The following GDA variants were observed in gnomAD, a reference collection of about 807,000 sequenced individuals.
The protein encoded by GDA is cytoplasmic PSD-95 interactor.
GDA carries 18 observed loss-of-function variants against 59.6 expected under a neutral mutation model. The observed-to-expected ratio is 0.30, with a 90% CI of 0.21 to 0.45. The LOEUF (loss-of-function observed/expected upper bound fraction) is 0.45, where lower values mean the gene tolerates loss of function less well. Ranked by LOEUF, GDA falls within the 20% of genes least tolerant of loss-of-function variation. GDA has a pLI of 1.00. For synonymous variants in GDA, 201 were observed against 201.1 expected, an observed-to-expected ratio of 1.00 and a Z score of 0.00; for missense variants, 427 against 552.3, an observed-to-expected ratio of 0.77 and a Z score of 2.27.
intron 1 of GDA, among the ~76,000 whole-genome samples, chr9:72,116,199 A>G (rs996250168): frequency 6.6e-6 from 1 of 151,198 alleles, no homozygotes; most frequent in Non-Finnish European, 1.5e-5. Context: ...ATGCCATTGC[A>G]CTCCAGCCTG....
chr9:72,151,528 T>C (rs1827194630), intron 1 of GDA, among the ~76,000 whole-genome samples: 1 of 152,158 alleles, frequency 6.6e-6, no homozygotes, highest in Non-Finnish European at 1.5e-5. Context: ...CATTTCAAGG[T>C]TCAAAAAAGA....
At chr9:72,136,115 A>G (rs959777451) in intron 1 of GDA, among the ~76,000 whole-genome samples, 4 of 152,210 alleles carry the variant, frequency 2.6e-5, no homozygotes, top group South Asian at 2.1e-4. Context: ...TACCAAATCT[A>G]TAAAAGGCCA....
At chr9:72,149,273 A>G (rs1826839772), upstream of GDA, 9 of 447,308 alleles carry the variant, frequency 2.0e-5, no homozygotes, top group South Asian at 2.1e-4. Context: ...GATAACTCAA[A>G]GAGTTAACAC....
chr9:72,212,482 A>C (rs752972886), intron 4 of GDA, among the ~76,000 whole-genome samples: 1 of 144,650 alleles, frequency 6.9e-6, no homozygotes, highest in East Asian at 2.0e-4. Context: ...ACGCCACCTT[A>C]AAAAAAAAAA....
At chr9:72,186,299 G>C (rs1282213761) in intron 1 of GDA, among the ~76,000 whole-genome samples, 3 of 152,086 alleles carry the variant, frequency 2.0e-5, no homozygotes, top group Non-Finnish European at 2.9e-5. Flanking sequence ...CTTTCTTGTA[G>C]TCCTTGTACT....
chr9:72,195,440 A>G, intron 1 of GDA, 60 bp from the exon 2 acceptor site: 1 of 658,212 alleles, frequency 1.5e-6, no homozygotes, highest in South Asian at 2.2e-5. Flanking sequence ...ATTTAATAAA[A>G]AACAAATGAC....
At chr9:72,204,518 G>A (rs1834424385) in intron 3 of GDA, among the ~76,000 whole-genome samples, 1 of 152,126 alleles carries the variant, frequency 6.6e-6, no homozygotes, top group Non-Finnish European at 1.5e-5. Context: ...GACCCAAAGA[G>A]GGAAATCAGT....
chr9:72,166,477 GA>G (rs1829326894), intron 1 of GDA, among the ~76,000 whole-genome samples: 1 of 152,064 alleles, frequency 6.6e-6, no homozygotes, highest in African/African-American at 2.4e-5. Flanking sequence ...CAGCTAGATA[GA>G]AGTTATCAAC....
At chr9:72,204,392 G>C (rs1364972517) in intron 3 of GDA, among the ~76,000 whole-genome samples, 1 of 151,664 alleles carries the variant, frequency 6.6e-6, no homozygotes, top group Non-Finnish European at 1.5e-5. Context: ...TGATATCAAG[G>C]CAAAGAAAAA....
chr9:72,166,176 T>C (rs1335712089), intron 1 of GDA, among the ~76,000 whole-genome samples: 1 of 152,230 alleles, frequency 6.6e-6, no homozygotes, highest in Admixed American at 6.5e-5. Context: ...ATGCTAGATT[T>C]ATTTCAGTTG....
At chr9:72,207,045 T>A (rs567223743) in intron 3 of GDA, among the ~76,000 whole-genome samples, 157 of 152,306 alleles carry the variant, frequency 1.0e-3, no homozygotes, top group African/African-American at 2.9e-3. Context: ...TGATTCTCAT[T>A]TCTTTCTAGT....
chr9:72,236,694 G>A (rs1839031140), intron 10 of GDA, among the ~76,000 whole-genome samples: 2 of 151,586 alleles, frequency 1.3e-5, no homozygotes, highest in African/African-American at 4.9e-5. Context: ...TATCATCAGT[G>A]TCTCCTTCCT....
intron 1 of GDA, among the ~76,000 whole-genome samples, chr9:72,115,556 G>A (rs1587281102): frequency 6.6e-6 from 1 of 152,176 alleles, no homozygotes; most frequent in Admixed American, 6.5e-5. Context: ...TGATGTACAA[G>A]ATAGAATATT....
At chr9:72,163,315 A>C (rs1828883283) in intron 1 of GDA, among the ~76,000 whole-genome samples, 1 of 152,114 alleles carries the variant, frequency 6.6e-6, no homozygotes, top group Non-Finnish European at 1.5e-5. Flanking sequence ...GAAAAATTGC[A>C]ATTTGGGGGG....
At chr9:72,167,167 G>A (rs993941695) in intron 1 of GDA, among the ~76,000 whole-genome samples, 2 of 152,054 alleles carry the variant, frequency 1.3e-5, no homozygotes, top group Non-Finnish European at 2.9e-5. Flanking sequence ...CCTCTCAAAA[G>A]TATCAAAGAA....
intron 3 of GDA, among the ~76,000 whole-genome samples, chr9:72,208,778 T>A (rs922128965): frequency 2.6e-5 from 4 of 152,206 alleles, no homozygotes; most frequent in African/African-American, 9.6e-5. Context: ...AAATAACTCC[T>A]GTTGTGACAA....
rs552605286 is a variant in GDA at position 72,250,211 on chromosome 9, C to T, written c.*1869C>T. 25 of 985,408 alleles carry T rather than the reference C, an allele frequency of 2.5e-5. No individual in the cohort carries two copies. In the South Asian group the frequency reaches 5.6e-4, roughly 22 times the overall value. 61.0% of individuals were successfully genotyped at this position (985,408 alleles called of 1,614,324 possible). Reference sequence around the variant, plus strand: ...ATTACATGGTGTCTAACCAAATGAGCAGGCTTAGGAATTTAGATGAGATGT... The same window carrying T: ...ATTACATGGTGTCTAACCAAATGAGTAGGCTTAGGAATTTAGATGAGATGT... On this transcript the variant is annotated 3_prime_UTR_variant, in exon 14 of 14. Transcript: ENST00000358399.
intron 8 of GDA, among the ~76,000 whole-genome samples, chr9:72,227,135 G>T (rs1318732850): frequency 2.0e-5 from 3 of 152,090 alleles, no homozygotes; most frequent in Non-Finnish European, 4.4e-5. Context: ...TAATAATTCT[G>T]TAGTCACTGA....
chr9:72,118,000 C>T (rs866023597), intron 1 of GDA, among the ~76,000 whole-genome samples: 2 of 152,012 alleles, frequency 1.3e-5, no homozygotes, highest in African/African-American at 2.4e-5. Flanking sequence ...AGGCCAGGCG[C>T]GGTGGCTCAC....
Sources: gnomAD v4.1 joint callset for allele counts (sites outside exome capture counted in the v4.1 genomes callset) on GRCh38, gnomAD v4.1.1 for gene constraint, MANE v1.5 for transcripts, NCBI Gene and HGNC (gene_info 2026-07-23, HGNC 2026-07-21) for gene names.